PHKB: variants seen among roughly 807,000 people sequenced by gnomAD.
The protein encoded by PHKB is phosphorylase kinase regulatory subunit beta.
A neutral mutation model predicts 152.1 loss-of-function variants in PHKB; 122 were observed. That is an observed-to-expected ratio of 0.80 (90% CI 0.69 to 0.93). The LOEUF (loss-of-function observed/expected upper bound fraction) is 0.93. Among genes scored for constraint, PHKB ranks in the 40% least tolerant of loss-of-function variants. The probability of loss-of-function intolerance (pLI) is 0.00; values close to 1 mark genes in which losing one functional copy is unlikely to be tolerated. For synonymous variants in PHKB, 436 were observed against 464.9 expected, an observed-to-expected ratio of 0.94 and a Z score of 0.80; for missense variants, 1,304 against 1,328.4, an observed-to-expected ratio of 0.98 and a Z score of 0.29.
At chr16:47,471,507 C>T (rs1035693797) in intron 1 of PHKB, among the ~76,000 whole-genome samples, 1 of 152,164 alleles carries the variant, frequency 6.6e-6, no homozygotes, top group African/African-American at 2.4e-5. Flanking sequence ...TGTCATATAG[C>T]TCTATGTTTA....
At chr16:47,646,561 T>G (rs908848034) in intron 16 of PHKB, among the ~76,000 whole-genome samples, 3 of 104,666 alleles carry the variant, frequency 2.9e-5, no homozygotes, top group Non-Finnish European at 6.0e-5. Context: ...AAATAAAAAA[T>G]AAAAAAATAA....
chr16:47,594,692 A>T (rs1240838114), intron 12 of PHKB, among the ~76,000 whole-genome samples: 3 of 152,128 alleles, frequency 2.0e-5, no homozygotes, highest in Non-Finnish European at 4.4e-5. Context: ...TCCTTTGAGG[A>T]TGGATTTAAT....
At chr16:47,605,037 C>T (rs1188582870) in intron 13 of PHKB, among the ~76,000 whole-genome samples, 1 of 152,030 alleles carries the variant, frequency 6.6e-6, no homozygotes, top group Admixed American at 6.6e-5. Flanking sequence ...ATTTTTGCCT[C>T]CTGAATGATA....
At chr16:47,524,880 C>A (rs545903431) in intron 6 of PHKB, among the ~76,000 whole-genome samples, 5 of 152,222 alleles carry the variant, frequency 3.3e-5, no homozygotes, top group African/African-American at 1.2e-4. Context: ...TAATATTTTT[C>A]TTTTTACTAT....
At chr16:47,627,033 G>C (rs548530411) in intron 14 of PHKB, among the ~76,000 whole-genome samples, 1 of 152,194 alleles carries the variant, frequency 6.6e-6, no homozygotes, top group Non-Finnish European at 1.5e-5. Context: ...GTTTCTTATG[G>C]TTTACCACTA....
chr16:47,485,592 A>G (rs572349102), intron 1 of PHKB, among the ~76,000 whole-genome samples: 1 of 152,290 alleles, frequency 6.6e-6, no homozygotes, highest in South Asian at 2.1e-4. Context: ...CATACATAGC[A>G]GAGCAACTTC....
chr16:47,518,166 A>T (rs1026809338), intron 6 of PHKB, among the ~76,000 whole-genome samples: 3 of 152,100 alleles, frequency 2.0e-5, no homozygotes, highest in Non-Finnish European at 2.9e-5. Flanking sequence ...TGTCAGTGGG[A>T]TTACCGTTTA....
intron 20 of PHKB, among the ~76,000 whole-genome samples, chr16:47,657,502 G>A (rs763078650): frequency 6.6e-6 from 1 of 152,132 alleles, no homozygotes; most frequent in Non-Finnish European, 1.5e-5. Flanking sequence ...TATTGCGTTT[G>A]ACACATACAG....
intron 24 of PHKB, 57 bp from the exon 25 acceptor site, chr16:47,664,828 C>CCT: frequency 9.4e-7 from 1 of 1,067,986 alleles, no homozygotes; most frequent in South Asian, 1.3e-5. Context: ...TGGAAGAACT[C>CCT]CTGGAAGTTT....
At chr16:47,658,150 C>T (rs1973371680) in intron 20 of PHKB, among the ~76,000 whole-genome samples, 1 of 152,120 alleles carries the variant, frequency 6.6e-6, no homozygotes, top group African/African-American at 2.4e-5. Context: ...TACCAGCTGC[C>T]CCATCTACTC....
intron 14 of PHKB, among the ~76,000 whole-genome samples, chr16:47,622,329 A>G (rs1294792453): frequency 6.6e-6 from 1 of 152,174 alleles, no homozygotes; most frequent in Non-Finnish European, 1.5e-5. Flanking sequence ...CCTATCAATT[A>G]ACGCCTTCTA....
Position 47,589,213 on chromosome 16 carries a change from C to T in PHKB, c.1068+111C>T, listed in dbSNP as rs982148906. 8.3e-6 allele frequency: 6 copies of T among 725,400 alleles called. No homozygotes were observed. In the South Asian group the frequency reaches 1.1e-4, roughly 13 times the overall value. The allele number at this position is 725,400 out of a possible 1,614,324, so 44.9% of individuals were successfully genotyped here. On this transcript the variant is annotated intron_variant, in intron 10 of 30. Coordinates refer to ENST00000323584, the MANE Select transcript of PHKB (RefSeq NM_000293.3). The stretch of plus-strand genomic sequence containing the variant: ...GCTCTGCTACTTACTAGCTATGTGG[C>T]CCTGGGCCAGTTAATTAATCTCTGT...
chr16:47,680,722 C>T (rs1028593807), intron 26 of PHKB, among the ~76,000 whole-genome samples: 1 of 152,084 alleles, frequency 6.6e-6, no homozygotes, highest in African/African-American at 2.4e-5. Flanking sequence ...AAAACCAGCT[C>T]CTGGATTCAT....
chr16:47,616,530 A>C (rs1972518883), intron 14 of PHKB, among the ~76,000 whole-genome samples: 1 of 146,018 alleles, frequency 6.8e-6, no homozygotes, highest in Non-Finnish European at 1.5e-5. Context: ...TATATTTATA[A>C]TATATAAATA....
chr16:47,487,647 C>A (rs1597023153), intron 1 of PHKB, among the ~76,000 whole-genome samples: 1 of 152,108 alleles, frequency 6.6e-6, no homozygotes, highest in African/African-American at 2.4e-5. Context: ...TCTTTGTGTC[C>A]ACAGGTATTC....
In PHKB at chr16:47,540,525, A is replaced by G. The variant is rs1216483635; in HGVS notation, c.595-6908A>G. Among the ~76,000 whole-genome samples, 3 of 152,004 alleles carry G rather than the reference A, an allele frequency of 2.0e-5. No individual in the cohort carries two copies. The South Asian group carries it at 6.2e-4, about 32-fold the overall frequency. ...TAAAACTTGCTGGTTTTGCAGCTCA[A>G]GTGGGCATCATGGTCCTACCGATAT... is the stretch of plus-strand genomic sequence containing the variant. On this transcript the variant is annotated intron_variant, in intron 6 of 30. Coordinates refer to ENST00000323584, the MANE Select transcript of PHKB (RefSeq NM_000293.3).
At chr16:47,600,533 T>G (rs1281233058) in intron 13 of PHKB, among the ~76,000 whole-genome samples, 1 of 152,170 alleles carries the variant, frequency 6.6e-6, no homozygotes, top group Admixed American at 6.5e-5. Flanking sequence ...TTTGCAAAAA[T>G]AAATAACCTT....
intron 14 of PHKB, 82 bp from the exon 15 acceptor site, chr16:47,640,953 A>AAT: frequency 7.9e-7 from 1 of 1,259,908 alleles, no homozygotes; most frequent in Non-Finnish European, 1.2e-6. Context: ...AGAGATGGTT[A>AAT]ATATTGTCCT....
chr16:47,528,196 A>T (rs1236065100), intron 6 of PHKB, among the ~76,000 whole-genome samples: 1 of 152,190 alleles, frequency 6.6e-6, no homozygotes, highest in Middle Eastern at 3.2e-3. Context: ...AAAGAGTAAC[A>T]TTTTGTTGGG....
Sources: gnomAD v4.1 joint callset for allele counts (sites outside exome capture counted in the v4.1 genomes callset) on GRCh38, gnomAD v4.1.1 for gene constraint, MANE v1.5 for transcripts, NCBI Gene and HGNC (gene_info 2026-07-23, HGNC 2026-07-21) for gene names.